OPCML: variants seen among roughly 807,000 people sequenced by gnomAD.
OPCML encodes the protein opioid-binding protein/cell adhesion molecule.
A neutral mutation model predicts 37.8 loss-of-function variants in OPCML; 13 were observed. That is an observed-to-expected ratio of 0.34 (90% CI 0.22 to 0.55). The LOEUF (loss-of-function observed/expected upper bound fraction) is 0.55, where lower values mean the gene tolerates loss of function less well. Among genes scored for constraint, OPCML ranks in the 20% least tolerant of loss-of-function variants. The pLI is 0.91. For synonymous variants in OPCML, 176 were observed against 168.8 expected, an observed-to-expected ratio of 1.04 and a Z score of -0.33; for missense variants, 341 against 435.6, an observed-to-expected ratio of 0.78 and a Z score of 1.93.
At chr11:132,544,722 C>A (rs2096364923) in intron 3 of OPCML, among the ~76,000 whole-genome samples, 1 of 152,138 alleles carries the variant, frequency 6.6e-6, no homozygotes. Context: ...TGCTGAAAAA[C>A]CTCTTCGCTG....
In OPCML at chr11:132,416,081, AAAAC is replaced by A. The variant is rs2095937701; in HGVS notation, c.*4108_*4111del. The stretch of plus-strand genomic sequence containing the variant: ...CCAAGATAAGGTCACGTGCAAAATG[AAAAC>A]AAAAGATTCTTGCTGTTGGAGAAAA... On this transcript the variant is annotated 3_prime_UTR_variant, in exon 8 of 8. Coordinates refer to ENST00000524381, the MANE Select transcript of OPCML (RefSeq NM_001012393.5). 1 of 152,552 alleles carries A rather than the reference AAAAC, an allele frequency of 6.6e-6. No individual in the cohort carries two copies. Among genetic ancestry groups the A allele is most frequent in the Non-Finnish European group, 1.5e-5 (1 of 68,048 alleles). 9.4% of individuals were successfully genotyped at this position (152,552 alleles called of 1,614,324 possible).
intron 1 of OPCML, among the ~76,000 whole-genome samples, chr11:133,040,795 C>G (rs1198091151): frequency 1.3e-5 from 2 of 151,976 alleles, no homozygotes; most frequent in Non-Finnish European, 2.9e-5. Context: ...ATATGGAAGT[C>G]AATACCACCA....
chr11:133,382,747 C>T (rs1333319937), intron 1 of OPCML, among the ~76,000 whole-genome samples: 3 of 152,144 alleles, frequency 2.0e-5, no homozygotes, highest in African/African-American at 7.2e-5. Context: ...CCATCTATCT[C>T]CCACCGATCG....
chr11:133,437,678 ACCTCTCCCCTCTCAACCCCG>A (rs1946267691), intron 1 of OPCML, among the ~76,000 whole-genome samples: 1 of 110,770 alleles, frequency 9.0e-6, no homozygotes, highest in African/African-American at 3.6e-5. Flanking sequence ...AACCCCGCTC[ACCTCTCCCCTCTCAACCCCG>A]CTCACCTCTC....
intron 4 of OPCML, among the ~76,000 whole-genome samples, chr11:132,461,493 T>C (rs955665719): frequency 6.6e-6 from 1 of 152,160 alleles, no homozygotes; most frequent in Non-Finnish European, 1.5e-5. Flanking sequence ...ATACATCTCT[T>C]CAATCTGACG....
intron 1 of OPCML, among the ~76,000 whole-genome samples, chr11:133,125,971 CAT>C (rs1303671607): frequency 6.9e-6 from 1 of 145,584 alleles, no homozygotes; most frequent in Non-Finnish European, 1.5e-5. Flanking sequence ...TATATATATA[CAT>C]GTATATATAG....
chr11:133,291,492 T>C (rs1206020145), intron 1 of OPCML, among the ~76,000 whole-genome samples: 1 of 152,230 alleles, frequency 6.6e-6, no homozygotes, highest in African/African-American at 2.4e-5. Flanking sequence ...TCAGCCCCTA[T>C]CCTTCCCCAG....
Position 132,641,533 on chromosome 11 carries a change from C to A in OPCML, c.379+15554G>T, listed in dbSNP as rs559717379. On this transcript the variant is annotated intron_variant, in intron 3 of 7. Coordinates refer to ENST00000524381, the MANE Select transcript of OPCML (RefSeq NM_001012393.5). ...CTTGGGCGTCTTTTTAATGGCCTGGCCTTAATTGCATTTTCCTGTATGCAC... is the reference window on the plus strand; with the variant it reads ...CTTGGGCGTCTTTTTAATGGCCTGGACTTAATTGCATTTTCCTGTATGCAC... 2.8e-3 allele frequency among the ~76,000 whole-genome samples: 429 copies of A among 152,278 alleles called. 4 individuals are homozygous for A. The highest frequency in any genetic ancestry group is 9.6e-3 in the African/African-American group (400 of 41,558).
Position 132,425,489 on chromosome 11 carries a change from T to C in OPCML, c.917-5196A>G, listed in dbSNP as rs902593080. Among the ~76,000 whole-genome samples, 8 of 152,204 alleles carry C rather than the reference T, an allele frequency of 5.3e-5. No individual in the cohort carries two copies. In the South Asian group the frequency reaches 1.0e-3, roughly 20 times the overall value. On this transcript the variant is annotated intron_variant, in intron 7 of 7. Transcript: ENST00000524381. ...GAAACAGTTTATTTTATGTATAAAA[T>C]GTGGAAGGAGTAGTTCTATCTACCC...
At chr11:132,695,639 A>G in intron 2 of OPCML, among the ~76,000 whole-genome samples, 1 of 152,208 alleles carries the variant, frequency 6.6e-6, no homozygotes, top group Non-Finnish European at 1.5e-5. Flanking sequence ...TAATGACACA[A>G]AAGATGAGGG....
At chr11:132,869,163 C>T (rs1161072446) in intron 2 of OPCML, among the ~76,000 whole-genome samples, 1 of 152,152 alleles carries the variant, frequency 6.6e-6, no homozygotes, top group Non-Finnish European at 1.5e-5. Flanking sequence ...ACTCCCACCC[C>T]ATGGGGCTAG....
chr11:132,653,292 G>A (rs1565748030), intron 3 of OPCML, among the ~76,000 whole-genome samples: 1 of 152,160 alleles, frequency 6.6e-6, no homozygotes, highest in Non-Finnish European at 1.5e-5. Context: ...TGTGGACAGT[G>A]CCTCTCAGGC....
At chr11:132,975,261 A>T (rs1946432778) in intron 1 of OPCML, among the ~76,000 whole-genome samples, 1 of 151,996 alleles carries the variant, frequency 6.6e-6, no homozygotes, top group Admixed American at 6.6e-5. Context: ...AAAATAAAGC[A>T]GATAAAAGAA....
At chr11:132,556,600 AGAGT>A (rs572180853) in intron 3 of OPCML, among the ~76,000 whole-genome samples, 30 of 152,290 alleles carry the variant, frequency 2.0e-4, no homozygotes, top group African/African-American at 7.0e-4. Context: ...TAGGAATGTG[AGAGT>A]GAAACAGGTC....
intron 2 of OPCML, among the ~76,000 whole-genome samples, chr11:132,784,212 C>T (rs1947127940): frequency 6.6e-6 from 1 of 152,164 alleles, no homozygotes; most frequent in Non-Finnish European, 1.5e-5. Context: ...CCTCTACTGA[C>T]AACACTAAAC....
chr11:133,491,399 G>T (rs370627015), intron 1 of OPCML, among the ~76,000 whole-genome samples: 1 of 152,132 alleles, frequency 6.6e-6, no homozygotes, highest in African/African-American at 2.4e-5. Context: ...TCATTTGATC[G>T]ATTTCACTGT....
intron 1 of OPCML, among the ~76,000 whole-genome samples, chr11:133,018,138 ATC>A: frequency 6.6e-6 from 1 of 152,128 alleles, no homozygotes; most frequent in East Asian, 1.9e-4. Context: ...GTTAAAAGTA[ATC>A]TCTCTCTTAT....
chr11:132,876,033 G>C (rs1942996507), intron 2 of OPCML, among the ~76,000 whole-genome samples: 1 of 152,196 alleles, frequency 6.6e-6, no homozygotes, highest in Non-Finnish European at 1.5e-5. Context: ...GAAGTACTTT[G>C]CATAATATTC....
chr11:133,193,467 A>G (rs1938406271), intron 1 of OPCML, among the ~76,000 whole-genome samples: 1 of 152,240 alleles, frequency 6.6e-6, no homozygotes, highest in African/African-American at 2.4e-5. Flanking sequence ...CAAGCCAGAA[A>G]TGAGAGATTG....
Sources: gnomAD v4.1 joint callset for allele counts (sites outside exome capture counted in the v4.1 genomes callset) on GRCh38, gnomAD v4.1.1 for gene constraint, MANE v1.5 for transcripts, NCBI Gene and HGNC (gene_info 2026-07-23, HGNC 2026-07-21) for gene names.